The following PPP1CB variants were observed in gnomAD, a reference collection of about 807,000 sequenced individuals.
PPP1CB encodes protein phosphatase 1 catalytic subunit beta, also known as serine/threonine-protein phosphatase PP1-beta catalytic subunit.
PPP1CB carries 2 observed loss-of-function variants against 43.7 expected under a neutral mutation model. The observed-to-expected ratio is 0.05, with a 90% CI of 0.02 to 0.14. PPP1CB has a LOEUF of 0.14. Among genes scored for constraint, PPP1CB ranks in the 10% least tolerant of loss-of-function variants. The probability of loss-of-function intolerance (pLI) is 1.00; values close to 1 mark genes in which losing one functional copy is unlikely to be tolerated. For synonymous variants in PPP1CB, 136 were observed against 135.6 expected (o/e 1.00, Z -0.02); for missense variants, 84 against 398.0 (o/e 0.21, Z 6.71).
intron 1 of PPP1CB, among the ~76,000 whole-genome samples, chr2:28,752,718 G>T (rs1286876907): frequency 3.9e-5 from 6 of 152,170 alleles, no homozygotes; most frequent in Non-Finnish European, 7.3e-5. Flanking sequence ...TATATAGAAT[G>T]GATTCTTCTT....
At chr2:28,781,919 G>A (rs1422922972) in intron 4 of PPP1CB, 77 bp downstream of exon 4, 3 of 1,005,796 alleles carry the variant, frequency 3.0e-6, no homozygotes, top group African/African-American at 1.6e-5. Context: ...TCAAGAGGCT[G>A]TGGGAAAACA....
rs1175073400 is a variant in PPP1CB, at chr2:28,802,189, G to A, written c.*2886G>A. On this transcript the variant is annotated 3_prime_UTR_variant, in exon 8 of 8. Transcript: ENST00000395366. Reference sequence around the variant, plus strand: ...CAAGGCAAAGCAAGGAACATCTTGAGATATGTCTCAAGAATATAAAGATGT... The same window carrying A: ...CAAGGCAAAGCAAGGAACATCTTGAAATATGTCTCAAGAATATAAAGATGT... 2 of 152,154 alleles carry A rather than the reference G, an allele frequency of 1.3e-5. No individual in the cohort carries two copies. The highest frequency in any genetic ancestry group is 2.4e-5 in the African/African-American group (1 of 41,438). The allele number at this position is 152,154 out of a possible 1,614,324, so 9.4% of individuals were successfully genotyped here.
At chr2:28,782,080 G>C in intron 4 of PPP1CB, 1 of 461,314 alleles carries the variant, frequency 2.2e-6, no homozygotes, top group Non-Finnish European at 3.8e-6. Context: ...AGTTGTTTGA[G>C]AAAGTCTCCT....
chr2:28,793,779 TTTGCCACCTTAACCTTAA>T (rs1199333536), intron 6 of PPP1CB, 66 bp from the exon 7 acceptor site: 22 of 1,493,038 alleles, frequency 1.5e-5, no homozygotes, highest in Non-Finnish European at 2.0e-5. Context: ...GGGCACAGTC[TTTGCCACCTTAACCTTAA>T]TTAGTATAGA....
At chr2:28,754,354 G>C (rs1666430274) in intron 1 of PPP1CB, among the ~76,000 whole-genome samples, 1 of 119,444 alleles carries the variant, frequency 8.4e-6, no homozygotes, top group South Asian at 3.2e-4. Flanking sequence ...GCGGGGGGGG[G>C]GCGGGTAAGA....
intron 1 of PPP1CB, among the ~76,000 whole-genome samples, chr2:28,759,680 C>T (rs1262940801): frequency 1.3e-5 from 2 of 150,802 alleles, no homozygotes; most frequent in Admixed American, 1.3e-4. Context: ...TGCAGTGACG[C>T]GATCTCAGTT....
chr2:28,791,768 A>G (rs1667391267), intron 6 of PPP1CB, among the ~76,000 whole-genome samples: 1 of 152,192 alleles, frequency 6.6e-6, no homozygotes, highest in Non-Finnish European at 1.5e-5. Flanking sequence ...ATAGATCTTC[A>G]TTCACTGGTC....
At chr2:28,763,017 G>A (rs952713275) in intron 1 of PPP1CB, among the ~76,000 whole-genome samples, 6 of 152,188 alleles carry the variant, frequency 3.9e-5, no homozygotes, top group African/African-American at 1.2e-4. Flanking sequence ...TCATGTTCAC[G>A]TGTATCTGTT....
chr2:28,782,461 A>G (rs189662460), intron 4 of PPP1CB: 1 of 153,646 alleles, frequency 6.5e-6, no homozygotes, highest in Admixed American at 6.5e-5. Context: ...ATAATTGAGT[A>G]ATAAAAGGTA....
chr2:28,762,538 G>A (rs886844335), intron 1 of PPP1CB, among the ~76,000 whole-genome samples: 5 of 152,178 alleles, frequency 3.3e-5, no homozygotes, highest in African/African-American at 1.2e-4. Flanking sequence ...AGGAGGAGTA[G>A]TTTAATAGCT....
chr2:28,787,588 C>T (rs1667298499), intron 5 of PPP1CB, among the ~76,000 whole-genome samples: 1 of 152,232 alleles, frequency 6.6e-6, no homozygotes, highest in Admixed American at 6.5e-5. Context: ...CCTCAATCAC[C>T]AAGAAACTTG....
chr2:28,801,460 G>T lies in PPP1CB; in HGVS notation c.*2157G>T, dbSNP rs1336080365. ...TTTTTTTTTTTTAAAGACTAAATGT[G>T]AAAAAATAATCACTACTTAAGCTAA... On this transcript the variant is annotated 3_prime_UTR_variant, in exon 8 of 8. Coordinates refer to ENST00000395366, the MANE Select transcript of PPP1CB (RefSeq NM_002709.3). 6.7e-6 allele frequency: 1 copy of T among 149,962 alleles called. No individual in the cohort carries two copies. Among genetic ancestry groups the T allele is most frequent in the East Asian group, 1.9e-4 (1 of 5,144 alleles). The allele number at this position is 149,962 out of a possible 1,614,324, so 9.3% of individuals were successfully genotyped here. A position where few individuals can be genotyped will look rare whatever the true frequency, so the allele number is the denominator to read the frequency against.
intron 1 of PPP1CB, among the ~76,000 whole-genome samples, chr2:28,757,549 CA>C (rs1468093441): frequency 9.2e-5 from 14 of 152,318 alleles, no homozygotes; most frequent in Admixed American, 2.6e-4. Flanking sequence ...TTGTTGCCGA[CA>C]ACCTCCACTT....
chr2:28,755,986 G>A (rs1264271434), intron 1 of PPP1CB, among the ~76,000 whole-genome samples: 1 of 152,138 alleles, frequency 6.6e-6, no homozygotes, highest in African/African-American at 2.4e-5. Flanking sequence ...AGAGATAACC[G>A]TTGTTGAAAT....
chr2:28,759,880 A>G (rs1156711091), intron 1 of PPP1CB, among the ~76,000 whole-genome samples: 1 of 152,078 alleles, frequency 6.6e-6, no homozygotes. Context: ...CGGCCTCCCA[A>G]AGTGTTGGGA....
At chr2:28,795,788 T>C (rs1667485971) in intron 7 of PPP1CB, among the ~76,000 whole-genome samples, 2 of 152,224 alleles carry the variant, frequency 1.3e-5, no homozygotes, top group Non-Finnish European at 2.9e-5. Context: ...GCAGAAGCTC[T>C]TTAGTTTATT....
At position 28,755,273 on chromosome 2, in the gene PPP1CB, C is replaced by T. The variant is rs182270999; in HGVS notation, c.52+3097C>T. On this transcript the variant is annotated intron_variant, in intron 1 of 7. Coordinates refer to ENST00000395366, the MANE Select transcript of PPP1CB (RefSeq NM_002709.3). ...TGGCTGGTCTCGAACTTTCCATCCT[C>T]AAGTGATCCACCCGCCTCGGCCTCC... Among the ~76,000 whole-genome samples, 19 of 152,272 alleles carry T rather than the reference C, an allele frequency of 1.2e-4. No individual in the cohort carries two copies. The East Asian group carries it at 3.7e-3, about 29-fold the overall frequency.
At chr2:28,797,992 C>T (rs1327438968) in intron 7 of PPP1CB, among the ~76,000 whole-genome samples, 1 of 152,092 alleles carries the variant, frequency 6.6e-6, no homozygotes, top group Non-Finnish European at 1.5e-5. Flanking sequence ...TCAATTAGTA[C>T]AATTGAATGG....
At chr2:28,784,930 A>AAAG (rs1553311206) in intron 5 of PPP1CB, among the ~76,000 whole-genome samples, 8 of 119,212 alleles carry the variant, frequency 6.7e-5, no homozygotes, top group Admixed American at 1.0e-4. Flanking sequence ...AAAAAAAAAA[A>AAAG]AAAAGAAAAA....
Sources: gnomAD v4.1 joint callset for allele counts (sites outside exome capture counted in the v4.1 genomes callset) on GRCh38, gnomAD v4.1.1 for gene constraint, MANE v1.5 for transcripts, NCBI Gene and HGNC (gene_info 2026-07-23, HGNC 2026-07-21) for gene names.